SLC35C1: variants seen among roughly 807,000 people sequenced by gnomAD.
SLC35C1 encodes solute carrier family 35 member C1, also known as GDP-fucose transporter 1.
Under a neutral mutation model 23.2 loss-of-function variants are expected in SLC35C1, and 8 were observed. The ratio of observed to expected loss-of-function variants is 0.35; its 90% CI spans 0.20 to 0.62. The LOEUF (loss-of-function observed/expected upper bound fraction) is 0.62, where lower values mean the gene tolerates loss of function less well. Among genes scored for constraint, SLC35C1 ranks in the 20% least tolerant of loss-of-function variants. The pLI, the probability that SLC35C1 is intolerant of heterozygous loss-of-function variation, is 0.75. For synonymous variants in SLC35C1, 226 were observed against 225.1 expected (o/e 1.00, Z -0.04); for missense variants, 422 against 478.6 (o/e 0.88, Z 1.10).
chr11:45,811,258 G>A lies in SLC35C1; in HGVS notation c.1018G>A (p.Val340Ile), dbSNP rs776527276. 3.8e-6 allele frequency: 6 copies of A among 1,592,392 alleles called. No individual in the cohort carries two copies. The South Asian group carries it at 6.7e-5, about 18-fold the overall frequency. Residue 340 changes from valine (V) to isoleucine (I), a missense_variant, in exon 2 of 2, where the codon GTC (valine) becomes ATC (isoleucine). Coordinates refer to ENST00000314134, the MANE Select transcript of SLC35C1 (RefSeq NM_018389.5). Reference protein sequence around the residue: ...VLGGSSAYTWVRGWEMKKTPE... With the variant: ...VLGGSSAYTWIRGWEMKKTPE... ...GGGCGGCTCCTCCGCCTACACCTGG[G>A]TCAGGGGCTGGGAGATGAAGAAGAC...
chr11:45,806,719 G>T (rs1274270198), intron 1 of SLC35C1: 1 of 176,092 alleles, frequency 5.7e-6, no homozygotes, highest in Non-Finnish European at 1.1e-5. Context: ...TAACTAACTT[G>T]TCCAAGATCA....
At position 45,810,914 on chromosome 11, in the gene SLC35C1, G is replaced by A. The variant is rs2134597563; in HGVS notation, c.674G>A (p.Gly225Asp). 4.3e-6 allele frequency: 7 copies of A among 1,612,092 alleles called. No homozygotes were observed. Among genetic ancestry groups the A allele is most frequent in the Non-Finnish European group, 5.9e-6 (7 of 1,180,012 alleles). The stretch of plus-strand genomic sequence containing the variant: ...ACGAAGGTGCTCCCGGCGGTGGACG[G>A]CAGCATCTGGCGCCTGACTTTCTAC... ...YTTKVLPAVD[G>D]SIWRLTFYNN... The change falls in exon 2 of 2, where the codon GGC becomes GAC. Residue 225 changes from glycine to aspartate, a missense_variant. Physicochemically the swap from Gly to Asp is moderately conservative, Grantham distance 94. Transcript: ENST00000314134.
chr11:45,811,128 C>T lies in SLC35C1; in HGVS notation c.888C>T (p.His296=). The T allele has an allele frequency of 6.2e-7, 1 of 1,613,248 alleles. No individual in the cohort carries two copies. Among genetic ancestry groups the T allele is most frequent in the African/African-American group, 1.3e-5 (1 of 75,074 alleles). Reference sequence around the variant, plus strand: ...TCAAGTTCACCAGTCCGCTGACCCACAATGTGTCGGGCACGGCCAAGGCCT... The same window carrying T: ...TCAAGTTCACCAGTCCGCTGACCCATAATGTGTCGGGCACGGCCAAGGCCT... The part of the protein sequence containing the change: ...LQIKFTSPLT[H]NVSGTAKACA... Residue 296 remains histidine, a synonymous_variant, in exon 2 of 2, where the codon CAC becomes CAT. Transcript: ENST00000314134.
rs942809160 is a variant in SLC35C1 at position 45,805,203 on chromosome 11, C to A, written c.-599C>A. The A allele has an allele frequency of 2.2e-5, 22 of 991,784 alleles. No individual in the cohort carries two copies. Among genetic ancestry groups the A allele is most frequent in the Non-Finnish European group, 2.6e-5 (22 of 833,366 alleles). The allele number at this position is 991,784 out of a possible 1,614,324, so 61.4% of individuals were successfully genotyped here. On this transcript the variant is annotated 5_prime_UTR_variant, in exon 1 of 2. Transcript: ENST00000314134. ...CCGGCGACAGAGCCCGGGAAGGCAG[C>A]GAGACGTGGGCGCCGGCCCAGCCCC... is the stretch of plus-strand genomic sequence containing the variant.
intron 1 of SLC35C1, among the ~76,000 whole-genome samples, chr11:45,809,404 ACGTGCACTTCTTCATGG>A (rs2085912112): frequency 6.6e-6 from 1 of 152,138 alleles, no homozygotes; most frequent in African/African-American, 2.4e-5. Flanking sequence ...AAGGAAGAGC[ACGTGCACTTCTTCATGG>A]CTGGGCCACA....
Position 45,811,007 on chromosome 11 carries a change from G to A in SLC35C1, c.767G>A (p.Arg256His), listed in dbSNP as rs751906696. The A allele has an allele frequency of 1.2e-4, 193 of 1,612,736 alleles. 2 individuals carry two copies. The Admixed American group carries it at 2.8e-3, about 24-fold the overall frequency. ...CTGCTCGGGGAGCTTCAGGCCCTGC[G>A]TGACTTTGCCCAGCTGGGCAGTGCC... ...LLLLGELQAL[R>H]DFAQLGSAHF... The change falls in exon 2 of 2, where the codon CGT becomes CAT. Residue 256 changes from arginine (R) to histidine (H), a missense_variant. Arg to His is a conservative substitution (Grantham distance 29). Coordinates refer to ENST00000314134, the MANE Select transcript of SLC35C1 (RefSeq NM_018389.5).
At chr11:45,804,626 T>A (rs2085847117), upstream of SLC35C1, 4 of 985,650 alleles carry the variant, frequency 4.1e-6, no homozygotes, top group Non-Finnish European at 4.8e-6. Flanking sequence ...CGGCGTGGCC[T>A]CCGGCCTCGG....
Position 45,811,298 on chromosome 11 carries a change from G to T in SLC35C1, c.1058G>T (p.Ser353Ile), listed in dbSNP as rs2085944911. ...WEMKKTPEEP[S>I]PKDSEKSAMG... Reference sequence around the variant, plus strand: ...ATGAAGAAGACTCCGGAGGAGCCCAGCCCCAAAGACAGCGAGAAGAGCGCC... The same window carrying T: ...ATGAAGAAGACTCCGGAGGAGCCCATCCCCAAAGACAGCGAGAAGAGCGCC... The change falls in exon 2 of 2, where the codon AGC becomes ATC. Residue 353 changes from serine to isoleucine, a missense_variant. Coordinates refer to ENST00000314134, the MANE Select transcript of SLC35C1 (RefSeq NM_018389.5). The T allele has an allele frequency of 6.4e-7, 1 of 1,552,372 alleles. No homozygotes were observed. Among genetic ancestry groups the T allele is most frequent in the African/African-American group, 1.4e-5 (1 of 73,198 alleles).
chr11:45,805,667 G>T lies in SLC35C1; in HGVS notation c.-135G>T, dbSNP rs924679340. The T allele has an allele frequency of 6.4e-7, 1 of 1,551,200 alleles. No homozygotes were observed. The highest frequency in any genetic ancestry group is 1.4e-5 in the African/African-American group (1 of 73,434). ...AACTTCTCAATCCATGAGGACAATG[G>T]GGAGGCCTTTAGGCCAGCCCACATG... On this transcript the variant is annotated 5_prime_UTR_variant, in exon 1 of 2. Transcript: ENST00000314134.
At chr11:45,809,354 G>C (rs2085911471) in intron 1 of SLC35C1, among the ~76,000 whole-genome samples, 1 of 152,096 alleles carries the variant, frequency 6.6e-6, no homozygotes, top group Non-Finnish European at 1.5e-5. Flanking sequence ...TTTAGAAACT[G>C]GGTTTAGAGG....
Position 45,805,325 on chromosome 11 carries a change from C to T in SLC35C1, c.-477C>T, listed in dbSNP as rs1590742181. ...GCCTCCGGCAGCTCCCTGTACGCCTCCCTCCCCCTGCCCGCCCCTCCCTCC... is the reference window on the plus strand; with the variant it reads ...GCCTCCGGCAGCTCCCTGTACGCCTTCCTCCCCCTGCCCGCCCCTCCCTCC... On this transcript the variant is annotated 5_prime_UTR_variant, in exon 1 of 2. Transcript: ENST00000314134. The T allele has an allele frequency of 1.0e-6, 1 of 974,842 alleles. No individual in the cohort carries two copies. The highest frequency in any genetic ancestry group is 1.2e-6 in the Non-Finnish European group (1 of 804,334). The allele number at this position is 974,842 out of a possible 1,614,324, so 60.4% of individuals were successfully genotyped here. A position where few individuals can be genotyped will look rare whatever the true frequency, so the allele number is the denominator to read the frequency against.
At chr11:45,810,036 A>G in intron 1 of SLC35C1, 1 of 985,060 alleles carries the variant, frequency 1.0e-6, no homozygotes, top group Non-Finnish European at 1.2e-6. Context: ...GGACATGAAC[A>G]AGGACACTGA....
intron 1 of SLC35C1, among the ~76,000 whole-genome samples, chr11:45,807,162 G>A (rs1438906340): frequency 6.6e-6 from 1 of 152,206 alleles, no homozygotes; most frequent in African/African-American, 2.4e-5. Context: ...CTAGCAAGCA[G>A]CCAGGCTGGG....
Position 45,811,302 on chromosome 11 carries a change from C to A in SLC35C1, c.1062C>A (p.Pro354=). The change falls in exon 2 of 2, where the codon CCC becomes CCA. Residue 354 remains proline, a synonymous_variant. Coordinates refer to ENST00000314134, the MANE Select transcript of SLC35C1 (RefSeq NM_018389.5). ...AGAAGACTCCGGAGGAGCCCAGCCC[C>A]AAAGACAGCGAGAAGAGCGCCATGG... ...EMKKTPEEPS[P]KDSEKSAMGV 6.5e-7 allele frequency: 1 copy of A among 1,546,160 alleles called. No individual in the cohort carries two copies. Among genetic ancestry groups the A allele is most frequent in the South Asian group, 1.2e-5 (1 of 82,482 alleles).
At position 45,810,799 on chromosome 11, in the gene SLC35C1, C is replaced by G. The variant is rs1217987912; in HGVS notation, c.559C>G (p.Gln187Glu). Reference protein sequence around the residue: ...IIGGFWLGVDQEGAEGTLSWL... With the variant: ...IIGGFWLGVDEEGAEGTLSWL... ...AGGGGGCTTCTGGCTTGGTGTGGAC[C>G]AGGAGGGGGCAGAAGGCACCCTGTC... The change falls in exon 2 of 2, where the codon CAG (glutamine) becomes GAG (glutamate). Residue 187 changes from glutamine to glutamate, a missense_variant. Gln to Glu is a conservative substitution (Grantham distance 29). Coordinates refer to ENST00000314134, the MANE Select transcript of SLC35C1 (RefSeq NM_018389.5). The G allele has an allele frequency of 6.2e-7, 1 of 1,612,610 alleles. No homozygotes were observed. Among genetic ancestry groups the G allele is most frequent in the Non-Finnish European group, 8.5e-7 (1 of 1,179,878 alleles).
rs1249225084 is a variant in SLC35C1 at position 45,806,157 on chromosome 11, C to G, written c.356C>G (p.Pro119Arg). 6.2e-7 allele frequency: 1 copy of G among 1,606,620 alleles called. No homozygotes were observed. The highest frequency in any genetic ancestry group is 1.1e-5 in the South Asian group (1 of 91,062). Residue 119 changes from proline (P) to arginine (R), a missense_variant, in exon 1 of 2, where the codon CCC becomes CGC. By Grantham distance (103) the Pro-to-Arg change is moderately radical (BLOSUM62 -2). Transcript: ENST00000314134. Reference sequence around the variant, plus strand: ...CTCAGGGTGGCCCGCAGCGTCCTGCCCCTGTCGGTGGTCTTCATCGGCATG... The same window carrying G: ...CTCAGGGTGGCCCGCAGCGTCCTGCGCCTGTCGGTGGTCTTCATCGGCATG... Reference protein sequence around the residue: ...LDLRVARSVLPLSVVFIGMIT... With the variant: ...LDLRVARSVLRLSVVFIGMIT...
chr11:45,806,074 C>T lies in SLC35C1; in HGVS notation c.273C>T (p.Leu91=), dbSNP rs886279110. ...CLVTTLLCKG[L]SALAACCPGA... ...TGACCACGCTGCTGTGCAAAGGCCT[C>T]AGCGCTCTGGCCGCCTGCTGCCCTG... Residue 91 remains leucine (L), a synonymous_variant, in exon 1 of 2, where the codon CTC becomes CTT. Coordinates refer to ENST00000314134, the MANE Select transcript of SLC35C1 (RefSeq NM_018389.5). 6.8e-6 allele frequency: 11 copies of T among 1,612,546 alleles called. No individual in the cohort carries two copies. In the East Asian group the frequency reaches 2.0e-4, roughly 29 times the overall value.
chr11:45,805,852 C>T lies in SLC35C1; in HGVS notation c.51C>T (p.Thr17=), dbSNP rs768517924. 89 of 1,613,980 alleles carry T rather than the reference C, an allele frequency of 5.5e-5. No homozygotes were observed. The highest frequency in any genetic ancestry group is 7.4e-5 in the Non-Finnish European group (87 of 1,180,028). ...CCAGGATCCTGCACATGGCGCTGAC[C>T]GGGGCCTCAGACCCCTCTGCAGAGG... ...KRSRILHMAL[T]GASDPSAEAE... The change falls in exon 1 of 2, where the codon ACC becomes ACT. Residue 17 remains threonine, a synonymous_variant. Transcript: ENST00000314134.
At chr11:45,804,628 C>T (rs1276224136), upstream of SLC35C1, 10 of 985,660 alleles carry the variant, frequency 1.0e-5, no homozygotes, top group African/African-American at 1.0e-4. Context: ...GCGTGGCCTC[C>T]GGCCTCGGGG....
Sources: gnomAD v4.1 joint callset for allele counts (sites outside exome capture counted in the v4.1 genomes callset) on GRCh38, gnomAD v4.1.1 for gene constraint, MANE v1.5 for transcripts, NCBI Gene and HGNC (gene_info 2026-07-23, HGNC 2026-07-21) for gene names.